ERC1: variants seen among roughly 807,000 people sequenced by gnomAD.
The protein encoded by ERC1 is ELKS/RAB6-interacting/CAST family member 1.
ERC1 carries 56 observed loss-of-function variants against 132.0 expected under a neutral mutation model. The observed-to-expected ratio is 0.42, with a 90% CI of 0.34 to 0.53. The LOEUF (loss-of-function observed/expected upper bound fraction) is 0.53. ERC1 is among the 20% of genes least tolerant of loss of function. ERC1 has a pLI of 0.03. For synonymous variants in ERC1, 478 were observed against 476.1 expected, an observed-to-expected ratio of 1.00 and a Z score of -0.05; for missense variants, 1,202 against 1,349.9, an observed-to-expected ratio of 0.89 and a Z score of 1.72.
At chr12:1,119,642 C>T (rs1226236853) in intron 7 of ERC1, among the ~76,000 whole-genome samples, 1 of 151,660 alleles carries the variant, frequency 6.6e-6, no homozygotes, top group Non-Finnish European at 1.5e-5. Flanking sequence ...ACCTCGCCTC[C>T]TGGGTTCAAG....
intron 15 of ERC1, among the ~76,000 whole-genome samples, chr12:1,334,293 A>G (rs2083127998): frequency 6.6e-6 from 1 of 152,238 alleles, no homozygotes; most frequent in African/African-American, 2.4e-5. Context: ...CATCCTCATT[A>G]TAAAATCTTT....
At chr12:1,280,218 C>A (rs540750800) in intron 14 of ERC1, among the ~76,000 whole-genome samples, 2 of 152,106 alleles carry the variant, frequency 1.3e-5, no homozygotes, top group East Asian at 1.9e-4. Context: ...GAAAGTAAAG[C>A]CTTGGGAGCC....
chr12:1,445,645 C>G (rs936533375), intron 18 of ERC1, among the ~76,000 whole-genome samples: 2 of 152,198 alleles, frequency 1.3e-5, no homozygotes, highest in African/African-American at 4.8e-5. Flanking sequence ...ATTCAAGTTT[C>G]TTGGCAATGA....
intron 14 of ERC1, among the ~76,000 whole-genome samples, chr12:1,282,312 C>T (rs2078735129): frequency 6.6e-6 from 1 of 152,106 alleles, no homozygotes. Flanking sequence ...AACCCTGTTT[C>T]TTTTGCCATA....
intron 12 of ERC1, among the ~76,000 whole-genome samples, chr12:1,201,010 A>T (rs1956863453): frequency 6.6e-6 from 1 of 152,190 alleles, no homozygotes; most frequent in African/African-American, 2.4e-5. Flanking sequence ...GTACATGTTT[A>T]TATATGCATA....
chr12:1,102,342 C>T (rs565908886), intron 3 of ERC1, among the ~76,000 whole-genome samples: 2 of 152,226 alleles, frequency 1.3e-5, no homozygotes, highest in African/African-American at 4.8e-5. Flanking sequence ...TAATTTTTAA[C>T]GACTGCTTAC....
At position 1,406,870 on chromosome 12, in the gene ERC1, C is replaced by G. The variant is rs563578418; in HGVS notation, c.2926-1279C>G. ...AGCCTGGGTGACAGAATGAGACTCT[C>G]TCTAAAATATAACAAAGAAAACCCA... On this transcript the variant is annotated intron_variant, in intron 16 of 18. Transcript: ENST00000360905. Among the ~76,000 whole-genome samples, 12 of 152,212 alleles carry G rather than the reference C, an allele frequency of 7.9e-5. No homozygotes were observed. The South Asian group carries it at 2.5e-3, about 32-fold the overall frequency.
At chr12:1,191,242 A>G (rs1355125652) in intron 12 of ERC1, among the ~76,000 whole-genome samples, 1 of 152,078 alleles carries the variant, frequency 6.6e-6, no homozygotes, top group Non-Finnish European at 1.5e-5. Flanking sequence ...TAGCCTCAAG[A>G]TTAGATTATG....
At chr12:1,296,319 C>A (rs1035391338) in intron 15 of ERC1, among the ~76,000 whole-genome samples, 1 of 150,588 alleles carries the variant, frequency 6.6e-6, no homozygotes, top group Non-Finnish European at 1.5e-5. Context: ...CAAAATGAGA[C>A]CCTATCTCAA....
chr12:1,038,898 T>C (rs1969626835), intron 2 of ERC1, among the ~76,000 whole-genome samples: 1 of 152,048 alleles, frequency 6.6e-6, no homozygotes, highest in Non-Finnish European at 1.5e-5. Flanking sequence ...ATCCATGAGA[T>C]TTTCAAAGAA....
intron 11 of ERC1, among the ~76,000 whole-genome samples, chr12:1,184,809 G>C (rs1321000920): frequency 6.6e-6 from 1 of 152,152 alleles, no homozygotes; most frequent in Non-Finnish European, 1.5e-5. Flanking sequence ...CTGGAGTGCA[G>C]TGGCGTAATC....
At chr12:1,436,810 C>G (rs756551402) in intron 17 of ERC1, among the ~76,000 whole-genome samples, 2 of 152,168 alleles carry the variant, frequency 1.3e-5, no homozygotes, top group Admixed American at 1.3e-4. Context: ...CCTTTGAAAT[C>G]CAGCGTCAGT....
At chr12:1,126,017 AT>A (rs1219004170) in intron 7 of ERC1, among the ~76,000 whole-genome samples, 2 of 152,214 alleles carry the variant, frequency 1.3e-5, no homozygotes, top group African/African-American at 4.8e-5. Flanking sequence ...TGGGTATAGA[AT>A]TTTAGTTTTG....
At chr12:1,489,470 C>T (rs1264932352) in intron 18 of ERC1, among the ~76,000 whole-genome samples, 2 of 152,192 alleles carry the variant, frequency 1.3e-5, no homozygotes, top group Non-Finnish European at 2.9e-5. Context: ...AGGACCAAAT[C>T]CCATCAGCTT....
At chr12:1,394,026 A>C (rs574089247) in intron 16 of ERC1, among the ~76,000 whole-genome samples, 12 of 101,064 alleles carry the variant, frequency 1.2e-4, no homozygotes, top group East Asian at 4.2e-4. Context: ...AAAAAAAAAA[A>C]AAAAAAACAA....
chr12:1,443,057 G>A (rs889181713), intron 17 of ERC1, among the ~76,000 whole-genome samples: 3 of 151,472 alleles, frequency 2.0e-5, no homozygotes, highest in African/African-American at 4.9e-5. Flanking sequence ...ACAGGCACCC[G>A]CCCAGTTAAT....
At chr12:1,401,844 T>G (rs2091099576) in intron 16 of ERC1, among the ~76,000 whole-genome samples, 1 of 151,798 alleles carries the variant, frequency 6.6e-6, no homozygotes, top group Non-Finnish European at 1.5e-5. Flanking sequence ...TAGTGGCAAG[T>G]TAACGTATAT....
intron 18 of ERC1, among the ~76,000 whole-genome samples, chr12:1,457,160 G>C (rs1402952853): frequency 6.6e-6 from 1 of 152,212 alleles, no homozygotes; most frequent in Non-Finnish European, 1.5e-5. Context: ...GCAATAGGCT[G>C]TACCAGACAC....
At chr12:1,065,299 C>T (rs1938894633) in intron 2 of ERC1, among the ~76,000 whole-genome samples, 1 of 152,194 alleles carries the variant, frequency 6.6e-6, no homozygotes, top group African/African-American at 2.4e-5. Flanking sequence ...CCGCGCCCAG[C>T]CCTGTCTGAG....
Sources: allele counts gnomAD v4.1 joint callset (sites outside exome capture counted in the v4.1 genomes callset), GRCh38; gene constraint gnomAD v4.1.1; transcripts MANE v1.5; gene names NCBI Gene and HGNC (gene_info 2026-07-23, HGNC 2026-07-21).